PSD3: variants seen among roughly 807,000 people sequenced by gnomAD.
The protein encoded by PSD3 is pleckstrin and Sec7 domain containing 3.
PSD3 carries 49 observed loss-of-function variants against 105.5 expected under a neutral mutation model. The ratio of observed to expected loss-of-function variants is 0.46; its 90% confidence interval spans 0.37 to 0.59. PSD3 has a LOEUF of 0.59. Ranked by LOEUF, PSD3 falls within the 20% of genes least tolerant of loss-of-function variation. The pLI is 0.00. For missense variants in PSD3, 1,561 were observed against 1,263.8 expected (o/e 1.24, Z -3.57); for synonymous variants, 557 against 457.8 (o/e 1.22, Z -2.77).
intron 4 of PSD3, among the ~76,000 whole-genome samples, chr8:18,846,654 TG>T (rs911141936): frequency 6.6e-6 from 1 of 152,124 alleles, no homozygotes; most frequent in African/African-American, 2.4e-5. Context: ...TGTGGTAACC[TG>T]GACTTAGTGC....
At chr8:18,667,330 G>C (rs1388421609) in intron 9 of PSD3, among the ~76,000 whole-genome samples, 2 of 152,110 alleles carry the variant, frequency 1.3e-5, no homozygotes, top group Non-Finnish European at 2.9e-5. Context: ...GCTAGATACA[G>C]AGTGCTGATT....
intron 15 of PSD3, among the ~76,000 whole-genome samples, chr8:18,552,874 A>C (rs771962121): frequency 6.6e-6 from 1 of 152,186 alleles, no homozygotes; most frequent in Non-Finnish European, 1.5e-5. Context: ...CATTCTGAGT[A>C]AAGTTTGCTG....
intron 12 of PSD3, among the ~76,000 whole-genome samples, chr8:18,579,576 T>C (rs1802679742): frequency 6.6e-6 from 1 of 152,218 alleles, no homozygotes; most frequent in Non-Finnish European, 1.5e-5. Context: ...CACAATGCTA[T>C]TTATTTTAAA....
intron 4 of PSD3, among the ~76,000 whole-genome samples, chr8:18,826,282 C>A (rs188181574): frequency 2.2e-4 from 33 of 152,262 alleles, no homozygotes; most frequent in Admixed American, 1.8e-3. Context: ...GACTTCTTGG[C>A]CTCCGTAATC....
At chr8:18,708,993 T>C (rs1295620649) in intron 9 of PSD3, among the ~76,000 whole-genome samples, 1 of 152,160 alleles carries the variant, frequency 6.6e-6, no homozygotes, top group East Asian at 1.9e-4. Context: ...GGAGATCCCC[T>C]TGTGAACCCA....
Position 19,013,683 on chromosome 8 carries a change from T to C in PSD3, c.-100A>G. 1 of 1,074,940 alleles carries C rather than the reference T, an allele frequency of 9.3e-7. No homozygotes were observed. Among genetic ancestry groups the C allele is most frequent in the East Asian group, 4.0e-5 (1 of 25,018 alleles). The allele number at this position is 1,074,940 out of a possible 1,614,324, so 66.6% of individuals were successfully genotyped here. A position where few individuals can be genotyped will look rare whatever the true frequency, so the allele number is the denominator to read the frequency against. ...CCGGCGGCCAGCGCCGCGTGCTCTT[T>C]GTTGAGCTCCCGGGACTGCCGAGAG... On this transcript the variant is annotated 5_prime_UTR_variant, in exon 1 of 16. Coordinates refer to ENST00000327040, the MANE Select transcript of PSD3 (RefSeq NM_015310.4).
chr8:18,802,919 T>C (rs1253811142), intron 6 of PSD3, among the ~76,000 whole-genome samples: 1 of 152,240 alleles, frequency 6.6e-6, no homozygotes, highest in Non-Finnish European at 1.5e-5. Context: ...AACAGTTTTA[T>C]AGATACTTTC....
chr8:18,665,476 G>A (rs1799396311), intron 9 of PSD3, among the ~76,000 whole-genome samples: 1 of 152,348 alleles, frequency 6.6e-6, no homozygotes, highest in Admixed American at 6.5e-5. Context: ...TTGTATGGAT[G>A]AGCAAAGAAA....
chr8:18,857,612 G>C (rs1816122107), intron 4 of PSD3, among the ~76,000 whole-genome samples: 1 of 152,218 alleles, frequency 6.6e-6, no homozygotes, highest in Non-Finnish European at 1.5e-5. Context: ...CTGTGCTACA[G>C]CTTTACTACT....
At chr8:18,946,281 A>G (rs2129469720) in intron 1 of PSD3, among the ~76,000 whole-genome samples, 1 of 152,248 alleles carries the variant, frequency 6.6e-6, no homozygotes, top group East Asian at 1.9e-4. Flanking sequence ...TTTTTCCTTT[A>G]AAAATATATT....
intron 2 of PSD3, among the ~76,000 whole-genome samples, chr8:18,916,494 T>C (rs1012411874): frequency 2.0e-5 from 3 of 151,306 alleles, no homozygotes; most frequent in South Asian, 2.1e-4. Context: ...GAATGACAAA[T>C]ACTGCACGAT....
rs111793424 is a variant in PSD3, at chr8:18,885,035, T to C, written c.131-12302A>G. ...GCTGAATTTGAGCTCATCTTTAAAA[T>C]TGCCGTTTTTCAAAGCTGGTTTCCT... On this transcript the variant is annotated intron_variant, in intron 2 of 15. Coordinates refer to ENST00000327040, the MANE Select transcript of PSD3 (RefSeq NM_015310.4). 3.7e-3 allele frequency among the ~76,000 whole-genome samples: 563 copies of C among 152,300 alleles called. 2 individuals are homozygous for C. The highest frequency in any genetic ancestry group is 0.013 in the African/African-American group (535 of 41,564).
At chr8:18,798,946 G>T (rs1396268772) in intron 8 of PSD3, among the ~76,000 whole-genome samples, 1 of 152,006 alleles carries the variant, frequency 6.6e-6, no homozygotes, top group Non-Finnish European at 1.5e-5. Flanking sequence ...CACATTTTCA[G>T]ATCTAATTTG....
chr8:18,827,354 A>G (rs1813279599), intron 4 of PSD3, among the ~76,000 whole-genome samples: 1 of 152,182 alleles, frequency 6.6e-6, no homozygotes, highest in African/African-American at 2.4e-5. Flanking sequence ...GAAGACAGAG[A>G]CGTGTAAGAC....
chr8:18,832,117 G>T (rs780232460), intron 4 of PSD3, among the ~76,000 whole-genome samples: 1 of 152,028 alleles, frequency 6.6e-6, no homozygotes, highest in African/African-American at 2.4e-5. Context: ...TTTCACTCTA[G>T]CTCTTGAAAT....
intron 1 of PSD3, among the ~76,000 whole-genome samples, chr8:18,948,764 G>A (rs1256078033): frequency 6.6e-6 from 1 of 152,102 alleles, no homozygotes; most frequent in Non-Finnish European, 1.5e-5. Flanking sequence ...AATAACTTCT[G>A]AAACAAAGTG....
chr8:18,852,477 A>C (rs1815666762), intron 4 of PSD3, among the ~76,000 whole-genome samples: 1 of 152,230 alleles, frequency 6.6e-6, no homozygotes, highest in Non-Finnish European at 1.5e-5. Flanking sequence ...AGTGGGTCAC[A>C]TGCTGCCTAT....
At chr8:19,022,277 A>G (rs1460984780) in intron 1 of PSD3, among the ~76,000 whole-genome samples, 2 of 152,204 alleles carry the variant, frequency 1.3e-5, no homozygotes, top group Non-Finnish European at 2.9e-5. Flanking sequence ...TGAGATTTGG[A>G]GGGGACAAAC....
At chr8:18,541,360 A>G (rs1388176523) in intron 15 of PSD3, among the ~76,000 whole-genome samples, 1 of 152,066 alleles carries the variant, frequency 6.6e-6, no homozygotes, top group Non-Finnish European at 1.5e-5. Flanking sequence ...TATATTTTGA[A>G]CTCGTAATAT....
Sources: gnomAD v4.1 joint callset for allele counts (sites outside exome capture counted in the v4.1 genomes callset) on GRCh38, gnomAD v4.1.1 for gene constraint, MANE v1.5 for transcripts, NCBI Gene and HGNC (gene_info 2026-07-23, HGNC 2026-07-21) for gene names.